Variants in SMG9 observed in about 807,000 individuals in gnomAD.
SMG9 encodes nonsense-mediated mRNA decay factor SMG9.
A neutral mutation model predicts 64.0 loss-of-function variants in SMG9; 55 were observed. That is an observed-to-expected ratio of 0.86 (90% confidence interval 0.69 to 1.08). SMG9 has a LOEUF of 1.08. Among genes scored for constraint, SMG9 ranks in the 50% least tolerant of loss-of-function variants. The pLI, the probability that SMG9 is intolerant of heterozygous loss-of-function variation, is 0.00. For synonymous variants in SMG9, 244 were observed against 254.8 expected, an observed-to-expected ratio of 0.96 and a Z score of 0.41; for missense variants, 554 against 681.3, an observed-to-expected ratio of 0.81 and a Z score of 2.08.
intron 9 of SMG9, 67 bp downstream of exon 9, chr19:43,737,530 C>CA: frequency 7.0e-7 from 1 of 1,425,510 alleles, no homozygotes; most frequent in Non-Finnish European, 9.7e-7. Context: ...GTCAGTGGCT[C>CA]AAGTCTCTGG....
chr19:43,735,589 T>C (rs919385832), intron 9 of SMG9, among the ~76,000 whole-genome samples: 64 of 120,662 alleles, frequency 5.3e-4, no homozygotes, highest in Non-Finnish European at 8.2e-4. Flanking sequence ...CACTCCAGCC[T>C]GGGTAACAGA....
At chr19:43,751,001 T>A (rs1299914158) in intron 1 of SMG9, among the ~76,000 whole-genome samples, 1 of 152,080 alleles carries the variant, frequency 6.6e-6, no homozygotes, top group African/African-American at 2.4e-5. Flanking sequence ...ATTTTTATAT[T>A]TTTAGTAGAG....
intron 7 of SMG9, chr19:43,739,903 G>A (rs1968791928): frequency 1.0e-5 from 6 of 587,718 alleles, no homozygotes; most frequent in Non-Finnish European, 1.8e-5. Flanking sequence ...TTAGGCTACT[G>A]TGTAGAAGGC....
Position 43,735,687 on chromosome 19 carries a change from A to G in SMG9, c.996-1192T>C, listed in dbSNP as rs141634524. On this transcript the variant is annotated intron_variant, in intron 9 of 13. Transcript: ENST00000270066. ...TTTTCAGTTTATGTTATTTTAAAAT[A>G]ATTTTTTACAATAGGTTAAGAGTAC... Among the ~76,000 whole-genome samples, 13 of 152,112 alleles carry G rather than the reference A, an allele frequency of 8.5e-5. 1 individual carries two copies. Among genetic ancestry groups the G allele is most frequent in the African/African-American group, 3.1e-4 (13 of 41,468 alleles).
At chr19:43,747,592 G>C in intron 4 of SMG9, 41 bp downstream of exon 4, 4 of 1,614,102 alleles carry the variant, frequency 2.5e-6, no homozygotes, top group Non-Finnish European at 2.5e-6. Flanking sequence ...TCTGTGAGGA[G>C]ACGCCAGTTC....
At chr19:43,737,272 CAATA>C (rs60683205) in intron 9 of SMG9, among the ~76,000 whole-genome samples, 7 of 149,334 alleles carry the variant, frequency 4.7e-5, no homozygotes, top group East Asian at 4.0e-4. Context: ...GACTCCGTCT[CAATA>C]AATAAATAAA....
chr19:43,738,058 G>C, intron 8 of SMG9, 64 bp downstream of exon 8: 1 of 1,489,028 alleles, frequency 6.7e-7, no homozygotes, highest in East Asian at 2.3e-5. Flanking sequence ...CAGCTCTCCA[G>C]ATCTTGGGAG....
rs918012057 is a variant in SMG9 at position 43,731,301 on chromosome 19, G to A, written c.*295C>T. ...AAAAAGGAGGTCAAGATGGAGCCCG[G>A]GCTTCCTGGTGACCATTCAGACTCC... On this transcript the variant is annotated 3_prime_UTR_variant, in exon 14 of 14. Transcript: ENST00000270066. 1.8e-5 allele frequency: 22 copies of A among 1,194,010 alleles called. No homozygotes were observed. Among genetic ancestry groups the A allele is most frequent in the Non-Finnish European group, 2.1e-5 (20 of 958,854 alleles). The allele number at this position is 1,194,010 out of a possible 1,614,324, so 74.0% of individuals were successfully genotyped here. A position where few individuals can be genotyped will look rare whatever the true frequency, so the allele number is the denominator to read the frequency against.
chr19:43,735,545 G>A (rs1968630596), intron 9 of SMG9, among the ~76,000 whole-genome samples: 1 of 150,268 alleles, frequency 6.7e-6, no homozygotes, highest in Non-Finnish European at 1.5e-5. Context: ...AACCTAGGAG[G>A]CGGAGGTTGC....
intron 1 of SMG9, among the ~76,000 whole-genome samples, chr19:43,753,444 G>C (rs963212269): frequency 7.3e-5 from 11 of 150,240 alleles, no homozygotes; most frequent in Non-Finnish European, 1.6e-4. Context: ...AAGCGCCCCT[G>C]TGTGAATGCT....
chr19:43,744,034 C>T (rs560056793), intron 6 of SMG9, among the ~76,000 whole-genome samples: 1 of 152,190 alleles, frequency 6.6e-6, no homozygotes, highest in Non-Finnish European at 1.5e-5. Flanking sequence ...CAAATTCCTA[C>T]ATTTTTCCCT....
Position 43,729,028 on chromosome 19 carries a change from C to T in SMG9, c.*2568G>A, listed in dbSNP as rs1262989932. The T allele has an allele frequency of 2.0e-6, 2 of 985,534 alleles. No homozygotes were observed. The highest frequency in any genetic ancestry group is 1.7e-5 in the African/African-American group (1 of 57,252). The allele number at this position is 985,534 out of a possible 1,614,324, so 61.0% of individuals were successfully genotyped here. ...GCTGGTGTCCACAGTGGCCTGCTGG[C>T]AGCATCAGCCTGAGTCCTCTGCTGG... is the stretch of plus-strand genomic sequence containing the variant. On this transcript the variant is annotated 3_prime_UTR_variant, in exon 14 of 14. Coordinates refer to ENST00000270066, the MANE Select transcript of SMG9 (RefSeq NM_019108.4).
intron 12 of SMG9, 98 bp from the exon 13 acceptor site, chr19:43,733,100 G>A: frequency 6.9e-7 from 1 of 1,446,982 alleles, no homozygotes; most frequent in Non-Finnish European, 9.3e-7. Context: ...TGAGAGTTCA[G>A]CCCCGGCTGA....
chr19:43,747,607 C>T (rs78323661), intron 4 of SMG9, 26 bp downstream of exon 4: 83,831 of 1,613,924 alleles, frequency 0.052, 2,499 homozygotes, highest in East Asian at 0.1. Context: ...CAGTTCCCAA[C>T]CTGGTACTGC....
rs1053780562 is a variant in SMG9 at position 43,732,756 on chromosome 19, G to A, written c.1484+102C>T. On this transcript the variant is annotated intron_variant, in intron 13 of 13. Coordinates refer to ENST00000270066, the MANE Select transcript of SMG9 (RefSeq NM_019108.4). Reference sequence around the variant, plus strand: ...CCAGAAAAGGAACCTGGGATCTGGAGAGGAGGGGCTTCACAAGGTCATGCC... The same window carrying A: ...CCAGAAAAGGAACCTGGGATCTGGAAAGGAGGGGCTTCACAAGGTCATGCC... 1.1e-5 allele frequency: 16 copies of A among 1,409,276 alleles called. No homozygotes were observed. In the African/African-American group the frequency reaches 1.1e-4, roughly 10 times the overall value. The allele number at this position is 1,409,276 out of a possible 1,614,324, so 87.3% of individuals were successfully genotyped here.
chr19:43,732,657 G>T, intron 13 of SMG9: 1 of 633,676 alleles, frequency 1.6e-6, no homozygotes, highest in Non-Finnish European at 2.7e-6. Context: ...TGATTAGGAG[G>T]ATTCAAAGTC....
Position 43,732,885 on chromosome 19 carries a change from G to C in SMG9, c.1457C>G (p.Ser486Ter), listed in dbSNP as rs1433362808. Residue 486 changes from serine (S) to a stop codon, truncating the protein, a stop_gained, in exon 13 of 14, where the codon TCA (serine) becomes TGA (stop). Coordinates refer to ENST00000270066, the MANE Select transcript of SMG9 (RefSeq NM_019108.4). LOFTEE classifies it high-confidence loss of function. ...GTTCTTCTCGGTGAGGATCGTGTGT[G>C]ACAGCTGTGGCCGGGCCATGGACAT... Reference protein sequence around the residue: ...QVMSMARPQLSHTILTEKNWF... With the variant: ...QVMSMARPQL 4 of 1,613,800 alleles carry C rather than the reference G, an allele frequency of 2.5e-6. No individual in the cohort carries two copies. The highest frequency in any genetic ancestry group is 3.4e-6 in the Non-Finnish European group (4 of 1,179,978).
chr19:43,745,915 T>G (rs930888370), intron 5 of SMG9, among the ~76,000 whole-genome samples: 4 of 152,032 alleles, frequency 2.6e-5, no homozygotes, highest in African/African-American at 9.7e-5. Flanking sequence ...GCAGGAGAAT[T>G]GCTTGAACCC....
Position 43,754,734 on chromosome 19 carries a change from C to G in SMG9, c.-87G>C, listed in dbSNP as rs1010346664. The G allele has an allele frequency of 3.3e-5, 5 of 152,168 alleles. No homozygotes were observed. Among genetic ancestry groups the G allele is most frequent in the Non-Finnish European group, 7.3e-5 (5 of 68,038 alleles). The allele number at this position is 152,168 out of a possible 1,614,324, so 9.4% of individuals were successfully genotyped here. On this transcript the variant is annotated 5_prime_UTR_variant, in exon 1 of 14. Transcript: ENST00000270066. Reference sequence around the variant, plus strand: ...AGTCGGGTGGGGGCGGGGAGGCTGACCCAAGCCACCCGCCTGCAAATGGCG... The same window carrying G: ...AGTCGGGTGGGGGCGGGGAGGCTGAGCCAAGCCACCCGCCTGCAAATGGCG...
Sources: allele counts gnomAD v4.1 joint callset (sites outside exome capture counted in the v4.1 genomes callset), GRCh38; gene constraint gnomAD v4.1.1; transcripts MANE v1.5; gene names NCBI Gene and HGNC (gene_info 2026-07-23, HGNC 2026-07-21).